The following TMED10 variants were observed in gnomAD, a reference collection of about 807,000 sequenced individuals.
TMED10 encodes the protein transmembrane p24 trafficking protein 10.
In TMED10, 7 loss-of-function variants were observed where a neutral mutation model predicts 23.1. The observed-to-expected ratio is 0.30, with a 90% CI of 0.17 to 0.57. TMED10 has a LOEUF of 0.57. Ranked by LOEUF, TMED10 falls within the 20% of genes least tolerant of loss-of-function variation. The pLI, the probability that TMED10 is intolerant of heterozygous loss-of-function variation, is 0.91. For synonymous variants in TMED10, 113 were observed against 106.9 expected (o/e 1.06, Z -0.35); for missense variants, 162 against 274.8 (o/e 0.59, Z 2.90).
intron 1 of TMED10, among the ~76,000 whole-genome samples, chr14:75,155,143 G>A (rs983406861): frequency 6.6e-6 from 1 of 152,038 alleles, no homozygotes; most frequent in African/African-American, 2.4e-5. Flanking sequence ...GTTTTTAGTA[G>A]AGATGGGGTT....
chr14:75,163,055 G>A (rs1243999834), intron 1 of TMED10, among the ~76,000 whole-genome samples: 3 of 151,604 alleles, frequency 2.0e-5, no homozygotes, highest in Non-Finnish European at 4.4e-5. Context: ...GGCAACACAG[G>A]AAGACCCTGC....
At chr14:75,174,294 C>T (rs957130361) in intron 1 of TMED10, among the ~76,000 whole-genome samples, 1 of 152,108 alleles carries the variant, frequency 6.6e-6, no homozygotes, top group Non-Finnish European at 1.5e-5. Flanking sequence ...ATGTAGAATG[C>T]AAAGTGGGAA....
chr14:75,167,056 C>A (rs1348846906), intron 1 of TMED10, among the ~76,000 whole-genome samples: 1 of 151,584 alleles, frequency 6.6e-6, no homozygotes, highest in East Asian at 1.9e-4. Context: ...ATTCTCCTGC[C>A]TCAGCCTCCT....
intron 1 of TMED10, among the ~76,000 whole-genome samples, chr14:75,174,507 G>T (rs1323653641): frequency 2.0e-5 from 3 of 152,060 alleles, no homozygotes; most frequent in Non-Finnish European, 4.4e-5. Flanking sequence ...AGAGTTGGAA[G>T]CATGATCTCC....
intron 3 of TMED10, among the ~76,000 whole-genome samples, chr14:75,146,944 T>TAG (rs1194097144): frequency 1.3e-5 from 2 of 151,876 alleles, no homozygotes; most frequent in East Asian, 3.9e-4. Context: ...GATAGATAGA[T>TAG]ATACAACTGT....
At chr14:75,166,841 TC>T (rs1302129547) in intron 1 of TMED10, among the ~76,000 whole-genome samples, 1 of 151,958 alleles carries the variant, frequency 6.6e-6, no homozygotes, top group African/African-American at 2.4e-5. Context: ...GCCATATTTC[TC>T]CCTACAGAAA....
intron 1 of TMED10, among the ~76,000 whole-genome samples, chr14:75,173,642 G>A (rs1896263716): frequency 6.6e-6 from 1 of 152,134 alleles, no homozygotes; most frequent in African/African-American, 2.4e-5. Flanking sequence ...CTGGTTAGTA[G>A]CAAAAGAACA....
At chr14:75,151,141 G>T (rs1895951088) in intron 2 of TMED10, among the ~76,000 whole-genome samples, 1 of 150,872 alleles carries the variant, frequency 6.6e-6, no homozygotes, top group Non-Finnish European at 1.5e-5. Context: ...CCTGGCCTCA[G>T]GTGATCCGCC....
chr14:75,143,213 A>T (rs769714421), intron 3 of TMED10, among the ~76,000 whole-genome samples: 19 of 152,082 alleles, frequency 1.2e-4, no homozygotes, highest in Non-Finnish European at 2.5e-4. Context: ...CTACCACCAT[A>T]TCTATTAACA....
At chr14:75,152,171 G>A (rs748662390) in intron 1 of TMED10, 28 bp from the exon 2 acceptor site, 8 of 1,573,726 alleles carry the variant, frequency 5.1e-6, no homozygotes, top group Non-Finnish European at 8.7e-7. Context: ...GTAAGAATAG[G>A]CAGCAAATAA....
intron 3 of TMED10, among the ~76,000 whole-genome samples, chr14:75,141,881 A>T (rs2139835226): frequency 6.6e-6 from 1 of 152,320 alleles, no homozygotes; most frequent in Non-Finnish European, 1.5e-5. Context: ...ACAGAGTAAA[A>T]TTTTAAAACA....
chr14:75,159,791 T>C (rs1038206934), intron 1 of TMED10, among the ~76,000 whole-genome samples: 3 of 152,168 alleles, frequency 2.0e-5, no homozygotes, highest in Non-Finnish European at 2.9e-5. Flanking sequence ...CTATTTAAAT[T>C]GTCCTCTACC....
chr14:75,161,603 G>C (rs948141213), intron 1 of TMED10, among the ~76,000 whole-genome samples: 5 of 152,120 alleles, frequency 3.3e-5, no homozygotes, highest in Non-Finnish European at 7.4e-5. Context: ...TCTTGCTAAA[G>C]ATACAAGTAC....
At chr14:75,147,935 T>A (rs1895909102) in intron 2 of TMED10, 198 bp from the exon 3 acceptor site, 2 of 610,302 alleles carry the variant, frequency 3.3e-6, no homozygotes, top group Admixed American at 5.5e-5. Flanking sequence ...AGCCTCTATC[T>A]GTGTGGGGTG....
chr14:75,171,276 CTTTAA>C (rs1367349739), intron 1 of TMED10, among the ~76,000 whole-genome samples: 15 of 150,298 alleles, frequency 1.0e-4, no homozygotes, highest in African/African-American at 2.2e-4. Flanking sequence ...ATGCTACTGG[CTTTAA>C]TTTTTTTTTT....
At chr14:75,159,286 T>C (rs1203055376) in intron 1 of TMED10, among the ~76,000 whole-genome samples, 3 of 152,362 alleles carry the variant, frequency 2.0e-5, no homozygotes, top group South Asian at 2.1e-4. Flanking sequence ...GATTTGCTCA[T>C]TGCATTGGCT....
intron 1 of TMED10, among the ~76,000 whole-genome samples, chr14:75,171,559 C>T (rs538243853): frequency 1.2e-4 from 19 of 152,102 alleles, no homozygotes; most frequent in East Asian, 1.9e-4. Flanking sequence ...GGATTACAGA[C>T]GAGAGCCACC....
At position 75,154,401 on chromosome 14, in the gene TMED10, C is replaced by CAAAAA. The variant is rs1166201835; in HGVS notation, c.226-2263_226-2259dup. On this transcript the variant is annotated intron_variant, in intron 1 of 4. Coordinates refer to ENST00000303575, the MANE Select transcript of TMED10 (RefSeq NM_006827.6). The stretch of plus-strand genomic sequence containing the variant: ...TGGGCAACACAGCGAGACTCTGTCT[C>CAAAAA]AAAAAAAAAAAAAAAAAAAAAAAAA... 5.8e-3 allele frequency among the ~76,000 whole-genome samples: 89 copies of CAAAAA among 15,254 alleles called. 34 individuals carry two copies. The highest frequency in any genetic ancestry group is 0.018 in the African/African-American group (75 of 4,198). 10.0% of individuals were successfully genotyped at this position (15,254 alleles called of 152,430 possible).
chr14:75,166,706 A>G (rs1896167212), intron 1 of TMED10, among the ~76,000 whole-genome samples: 1 of 152,216 alleles, frequency 6.6e-6, no homozygotes, highest in South Asian at 2.1e-4. Flanking sequence ...TATATAATAC[A>G]AAAAGAAATT....
Sources: gnomAD v4.1 joint callset for allele counts (sites outside exome capture counted in the v4.1 genomes callset) on GRCh38, gnomAD v4.1.1 for gene constraint, MANE v1.5 for transcripts, NCBI Gene and HGNC (gene_info 2026-07-23, HGNC 2026-07-21) for gene names.